GLYAT: variants seen among roughly 807,000 people sequenced by gnomAD.
The protein encoded by GLYAT is glycine-N-acyltransferase.
In GLYAT, 25 loss-of-function variants were observed where a neutral mutation model predicts 22.8. That is an observed-to-expected ratio of 1.09 (90% CI 0.80 to 1.53). GLYAT has a LOEUF of 1.53. Among genes scored for constraint, GLYAT ranks in the 40% most tolerant of loss-of-function variants. GLYAT has a pLI of 0.00. For missense variants in GLYAT, 411 were observed against 353.9 expected (o/e 1.16, Z -1.29); for synonymous variants, 140 against 122.7 (o/e 1.14, Z -0.93).
chr11:58,730,544 T>A (rs771709166), intron 1 of GLYAT, among the ~76,000 whole-genome samples: 10 of 152,212 alleles, frequency 6.6e-5, no homozygotes, highest in Admixed American at 1.3e-4. Flanking sequence ...TATGCCTACA[T>A]AATCTGACCA....
intron 1 of GLYAT, among the ~76,000 whole-genome samples, chr11:58,725,347 C>A (rs775035296): frequency 7.2e-5 from 11 of 152,144 alleles, no homozygotes; most frequent in Non-Finnish European, 1.5e-4. Flanking sequence ...CACTTCATAA[C>A]ATCACAACTA....
At chr11:58,712,661 G>T in intron 4 of GLYAT, 99 bp downstream of exon 4, 2 of 1,017,726 alleles carry the variant, frequency 2.0e-6, no homozygotes, top group Non-Finnish European at 3.0e-6. Flanking sequence ...TTGACAGCAG[G>T]CTGGGAGTCT....
intron 2 of GLYAT, among the ~76,000 whole-genome samples, chr11:58,720,532 C>T (rs1462025106): frequency 6.6e-6 from 1 of 152,012 alleles, no homozygotes; most frequent in Non-Finnish European, 1.5e-5. Flanking sequence ...GTAGGCCTAA[C>T]TAACTTTGGG....
chr11:58,718,436 T>A (rs964136392), intron 2 of GLYAT, among the ~76,000 whole-genome samples: 1 of 152,108 alleles, frequency 6.6e-6, no homozygotes, highest in African/African-American at 2.4e-5. Flanking sequence ...AGTTAATTCC[T>A]ATTTTGCTTG....
chr11:58,711,382 G>A (rs910178805), intron 4 of GLYAT, among the ~76,000 whole-genome samples: 1 of 152,164 alleles, frequency 6.6e-6, no homozygotes, highest in African/African-American at 2.4e-5. Context: ...TGGCAAAATT[G>A]CTGGTGAGTG....
At chr11:58,728,889 A>AGAAAGAGAAAGAAG (rs1310407303) in intron 1 of GLYAT, among the ~76,000 whole-genome samples, 3 of 101,308 alleles carry the variant, frequency 3.0e-5, no homozygotes, top group African/African-American at 1.2e-4. Context: ...AAAGAAAGAA[A>AGAAAGAGAAAGAAG]GAAGGAAGGA....
intron 2 of GLYAT, 53 bp downstream of exon 2, chr11:58,724,363 T>G: frequency 2.1e-6 from 2 of 955,828 alleles, no homozygotes; most frequent in South Asian, 2.9e-5. Flanking sequence ...CTTTCCCTCC[T>G]CTTTCACATC....
intron 1 of GLYAT, chr11:58,728,877 AGAAAGAAAGAAAGAAG>A (rs1275014735): frequency 3.9e-4 from 47 of 119,856 alleles, no homozygotes; most frequent in African/African-American, 1.6e-3. Context: ...AAAGAAAGAA[AGAAAGAAAGAAAGAAG>A]GAAGGAAGGA....
chr11:58,730,562 A>G (rs1438443657), intron 1 of GLYAT, among the ~76,000 whole-genome samples: 1 of 152,178 alleles, frequency 6.6e-6, no homozygotes, highest in Non-Finnish European at 1.5e-5. Context: ...CCACAGTCTC[A>G]CAGAGTGAGT....
intron 5 of GLYAT, 33 bp from the exon 6 acceptor site, chr11:58,710,201 T>C (rs553813078): frequency 6.3e-7 from 1 of 1,579,456 alleles, no homozygotes; most frequent in South Asian, 1.2e-5. Flanking sequence ...ACAAAATCCA[T>C]TAGTATAAAG....
At chr11:58,722,635 T>G (rs939268907) in intron 2 of GLYAT, among the ~76,000 whole-genome samples, 2 of 152,074 alleles carry the variant, frequency 1.3e-5, no homozygotes, top group Non-Finnish European at 2.9e-5. Context: ...TTAGCAACTT[T>G]GAATAAATAG....
intron 3 of GLYAT, among the ~76,000 whole-genome samples, chr11:58,713,370 G>A (rs575513315): frequency 6.6e-6 from 1 of 152,154 alleles, no homozygotes; most frequent in Non-Finnish European, 1.5e-5. Context: ...TCAAATAAAA[G>A]ACATAACCAT....
At chr11:58,714,223 T>C (rs941748987) in intron 3 of GLYAT, among the ~76,000 whole-genome samples, 1 of 152,256 alleles carries the variant, frequency 6.6e-6, no homozygotes, top group Non-Finnish European at 1.5e-5. Flanking sequence ...ATAATAGTTA[T>C]AATAGGAGGA....
chr11:58,716,230 T>C (rs1446278454), intron 2 of GLYAT, among the ~76,000 whole-genome samples: 7 of 152,086 alleles, frequency 4.6e-5, no homozygotes, highest in Non-Finnish European at 7.4e-5. Flanking sequence ...GGTTGTGGTA[T>C]GCAGTAGTGG....
At chr11:58,715,091 T>G (rs1030739346) in intron 3 of GLYAT, among the ~76,000 whole-genome samples, 1 of 152,102 alleles carries the variant, frequency 6.6e-6, no homozygotes, top group Non-Finnish European at 1.5e-5. Context: ...TAATCAAGTT[T>G]TATTTGGCCT....
At chr11:58,713,282 G>C (rs1239933655) in intron 3 of GLYAT, among the ~76,000 whole-genome samples, 1 of 152,048 alleles carries the variant, frequency 6.6e-6, no homozygotes, top group African/African-American at 2.4e-5. Context: ...TAAATAATGA[G>C]ATAAAGATCA....
intron 2 of GLYAT, among the ~76,000 whole-genome samples, chr11:58,722,069 A>G (rs1266115998): frequency 6.6e-6 from 1 of 152,034 alleles, no homozygotes. Context: ...TCCCCATCTA[A>G]TTAGGAATAA....
At chr11:58,727,413 A>G (rs1418090990) in intron 1 of GLYAT, among the ~76,000 whole-genome samples, 2 of 152,170 alleles carry the variant, frequency 1.3e-5, no homozygotes, top group Admixed American at 6.5e-5. Context: ...GTGCAAGACA[A>G]TTTCAGATCA....
intron 2 of GLYAT, among the ~76,000 whole-genome samples, chr11:58,723,019 C>G (rs1856769852): frequency 6.6e-6 from 1 of 151,992 alleles, no homozygotes; most frequent in Non-Finnish European, 1.5e-5. Context: ...GCCTCCTTAT[C>G]TCACCATAGA....
Sources: allele counts gnomAD v4.1 joint callset (sites outside exome capture counted in the v4.1 genomes callset), GRCh38; gene constraint gnomAD v4.1.1; transcripts MANE v1.5; gene names NCBI Gene and HGNC (gene_info 2026-07-23, HGNC 2026-07-21).